Variants in HSD17B12 observed in about 807,000 individuals in gnomAD.
The protein encoded by HSD17B12 is very-long-chain 3-oxoacyl-CoA reductase.
A neutral mutation model predicts 39.3 loss-of-function variants in HSD17B12; 32 were observed. That is an observed-to-expected ratio of 0.81 (90% CI 0.61 to 1.09). The LOEUF (loss-of-function observed/expected upper bound fraction) is 1.09. HSD17B12 is among the 50% of genes least tolerant of loss of function. HSD17B12 has a pLI of 0.00. For missense variants in HSD17B12, 342 were observed against 382.9 expected (o/e 0.89, Z 0.89); for synonymous variants, 150 against 146.7 (o/e 1.02, Z -0.16).
chr11:43,610,608 A>T, the HSD17B12 span, among the ~76,000 whole-genome samples: 1 of 152,168 alleles, frequency 6.6e-6, no homozygotes, highest in African/African-American at 2.4e-5. Flanking sequence ...TCTCATTGTC[A>T]TGGATATATA....
chr11:43,693,214 A>G (rs1475585138), intron 1 of HSD17B12, among the ~76,000 whole-genome samples: 4 of 152,230 alleles, frequency 2.6e-5, no homozygotes, highest in Non-Finnish European at 5.9e-5. Context: ...ATTAAAAGCA[A>G]CGATAGGAGC....
At chr11:43,582,091 T>A in the HSD17B12 span, among the ~76,000 whole-genome samples, 2 of 152,190 alleles carry the variant, frequency 1.3e-5, no homozygotes, top group African/African-American at 4.8e-5. Context: ...AGTCTCTTCC[T>A]CCCGCGCCTG....
chr11:43,651,806 T>A, the HSD17B12 span, among the ~76,000 whole-genome samples: 2 of 152,178 alleles, frequency 1.3e-5, no homozygotes, highest in African/African-American at 4.8e-5. Flanking sequence ...CTTGAACTCC[T>A]GACCTCAAGT....
the HSD17B12 span, among the ~76,000 whole-genome samples, chr11:43,590,178 A>C: frequency 6.6e-6 from 1 of 152,042 alleles, no homozygotes; most frequent in African/African-American, 2.4e-5. Flanking sequence ...AACTCTTGGA[A>C]TTTCACAAGT....
At position 43,839,869 on chromosome 11, in the gene HSD17B12, G is replaced by T. The variant is rs537704874; in HGVS notation, c.619-130G>T. The T allele has an allele frequency of 2.8e-4, 219 of 771,740 alleles. 9 individuals carry two copies. The Middle Eastern group carries it at 4.1e-3, about 14-fold the overall frequency. The allele number at this position is 771,740 out of a possible 1,614,324, so 47.8% of individuals were successfully genotyped here. On this transcript the variant is annotated intron_variant, in intron 8 of 10. Coordinates refer to ENST00000278353, the MANE Select transcript of HSD17B12 (RefSeq NM_016142.3). ...GGTGTTTTTCTAAGTTCTCTTCTGC[G>T]TTTGAAATGAAAAAAATGATGAGAA...
chr11:43,677,453 A>T (rs1949701880), upstream of HSD17B12, among the ~76,000 whole-genome samples: 2 of 152,104 alleles, frequency 1.3e-5, no homozygotes, highest in African/African-American at 2.4e-5. Flanking sequence ...CAATTTTTTT[A>T]AATTATACTT....
At chr11:43,765,132 T>G (rs1950584343) in intron 3 of HSD17B12, among the ~76,000 whole-genome samples, 1 of 152,172 alleles carries the variant, frequency 6.6e-6, no homozygotes, top group Non-Finnish European at 1.5e-5. Context: ...CTTCATTCTT[T>G]TATGTAAATG....
At chr11:43,644,181 G>A in the HSD17B12 span, 8 of 152,262 alleles carry the variant, frequency 5.3e-5, no homozygotes, top group African/African-American at 1.7e-4. Flanking sequence ...GGCGGCGCCC[G>A]GTGCACACTG....
the HSD17B12 span, among the ~76,000 whole-genome samples, chr11:43,649,166 GGA>G: frequency 6.6e-6 from 1 of 151,800 alleles, no homozygotes; most frequent in African/African-American, 2.4e-5. Flanking sequence ...GTTTATAAGG[GGA>G]GAAAAGGGCC....
chr11:43,660,169 C>T, the HSD17B12 span, among the ~76,000 whole-genome samples: 1 of 152,172 alleles, frequency 6.6e-6, no homozygotes, highest in East Asian at 1.9e-4. Context: ...TTCCCATACC[C>T]TCCCTCTCCT....
the HSD17B12 span, among the ~76,000 whole-genome samples, chr11:43,580,489 T>C: frequency 6.6e-6 from 1 of 152,222 alleles, no homozygotes; most frequent in East Asian, 1.9e-4. Context: ...CTTCACCTAG[T>C]TGAGCATTCA....
intron 3 of HSD17B12, among the ~76,000 whole-genome samples, chr11:43,761,466 A>G (rs903356194): frequency 2.0e-5 from 3 of 152,258 alleles, no homozygotes; most frequent in Admixed American, 2.0e-4. Flanking sequence ...GTTGCAGCGT[A>G]ACAAACCACC....
chr11:43,718,665 C>T (rs1209959740), intron 1 of HSD17B12: 7 of 731,052 alleles, frequency 9.6e-6, no homozygotes, highest in East Asian at 4.9e-5. Context: ...CTTGAATAGC[C>T]TTTTCACAAG....
intron 3 of HSD17B12, among the ~76,000 whole-genome samples, chr11:43,796,165 A>G (rs772003877): frequency 2.4e-4 from 37 of 152,200 alleles, no homozygotes; most frequent in Non-Finnish European, 1.9e-4. Flanking sequence ...CACACCGTTT[A>G]TTAGGCTGTT....
At chr11:43,588,879 C>G in the HSD17B12 span, among the ~76,000 whole-genome samples, 1 of 151,772 alleles carries the variant, frequency 6.6e-6, no homozygotes, top group Non-Finnish European at 1.5e-5. Context: ...AAGATTATCT[C>G]TTTCTTGTTT....
At chr11:43,619,625 T>A in the HSD17B12 span, among the ~76,000 whole-genome samples, 1 of 151,944 alleles carries the variant, frequency 6.6e-6, no homozygotes, top group Non-Finnish European at 1.5e-5. Context: ...CTCCTGATTT[T>A]GGGTGATCTG....
intron 3 of HSD17B12, among the ~76,000 whole-genome samples, chr11:43,761,663 C>T (rs1454822631): frequency 6.6e-6 from 1 of 152,202 alleles, no homozygotes; most frequent in Non-Finnish European, 1.5e-5. Context: ...GGTCTAGTGA[C>T]TTGGCAGGAG....
chr11:43,619,226 A>ATATT, the HSD17B12 span, among the ~76,000 whole-genome samples: 4 of 36,276 alleles, frequency 1.1e-4, no homozygotes, highest in African/African-American at 4.9e-4. Flanking sequence ...ATATATATAT[A>ATATT]TGATATATAT....
chr11:43,689,430 T>G (rs1949832207), intron 1 of HSD17B12, among the ~76,000 whole-genome samples: 1 of 152,264 alleles, frequency 6.6e-6, no homozygotes, highest in Non-Finnish European at 1.5e-5. Flanking sequence ...TTGGTCAGAT[T>G]ATGTGATGCT....
Sources: gnomAD v4.1 joint callset for allele counts (sites outside exome capture counted in the v4.1 genomes callset) on GRCh38, gnomAD v4.1.1 for gene constraint, MANE v1.5 for transcripts, NCBI Gene and HGNC (gene_info 2026-07-23, HGNC 2026-07-21) for gene names.